SIPA1L3: variants seen among roughly 807,000 people sequenced by gnomAD.
The protein encoded by SIPA1L3 is signal-induced proliferation-associated 1-like protein 3.
In SIPA1L3, 59 loss-of-function variants were observed where a neutral mutation model predicts 150.1. The ratio of observed to expected loss-of-function variants is 0.39; its 90% CI spans 0.32 to 0.49. The LOEUF is 0.49. Among genes scored for constraint, SIPA1L3 ranks in the 20% least tolerant of loss-of-function variants. The pLI, the probability that SIPA1L3 is intolerant of heterozygous loss-of-function variation, is 0.86. For missense variants in SIPA1L3, 2,211 were observed against 2,489.5 expected (o/e 0.89, Z 2.38); for synonymous variants, 1,070 against 1,077.6 (o/e 0.99, Z 0.14).
At chr19:38,032,658 G>A (rs559322089) in intron 2 of SIPA1L3, among the ~76,000 whole-genome samples, 1 of 152,132 alleles carries the variant, frequency 6.6e-6, no homozygotes, top group Non-Finnish European at 1.5e-5. Context: ...TGGCCAACAT[G>A]GTGGCCGTCT....
chr19:37,956,062 G>T (rs989000799), intron 1 of SIPA1L3, among the ~76,000 whole-genome samples: 2 of 152,158 alleles, frequency 1.3e-5, no homozygotes, highest in Non-Finnish European at 2.9e-5. Flanking sequence ...TGATCATGGC[G>T]CACTACAGTA....
rs183463775 is a variant in SIPA1L3, at chr19:38,007,489, A to C, written c.-378-21600A>C. Among the ~76,000 whole-genome samples, 137 of 150,474 alleles carry C rather than the reference A, an allele frequency of 9.1e-4. 2 individuals carry two copies. The East Asian group carries it at 0.018, about 20-fold the overall frequency. ...AAAGAAAGAAAAGAAAAAAACAAAT[A>C]TTGTATTTGTAATTGCCCGGGGGAG... On this transcript the variant is annotated intron_variant, in intron 1 of 21. Transcript: ENST00000222345.
At position 38,047,284 on chromosome 19, in the gene SIPA1L3, G is replaced by C. The variant is rs1278181824; in HGVS notation, c.-311+18128G>C. On this transcript the variant is annotated intron_variant, in intron 2 of 21. Coordinates refer to ENST00000222345, the MANE Select transcript of SIPA1L3 (RefSeq NM_015073.3). This position sits in a 1 kb window ranked among gnomAD's most constrained non-coding sequence, Gnocchi z 4.7. Reference sequence around the variant, plus strand: ...CACACTCCTACACATTCCTCTCTCTGTCATATCACCTGGTTTATTTTCTTC... The same window carrying C: ...CACACTCCTACACATTCCTCTCTCTCTCATATCACCTGGTTTATTTTCTTC... Among the ~76,000 whole-genome samples, 1 of 152,038 alleles carries C rather than the reference G, an allele frequency of 6.6e-6. No homozygotes were observed. The highest frequency in any genetic ancestry group is 1.5e-5 in the Non-Finnish European group (1 of 68,024).
chr19:38,032,760 G>A (rs1442097314), intron 2 of SIPA1L3, among the ~76,000 whole-genome samples: 3 of 152,046 alleles, frequency 2.0e-5, no homozygotes, highest in African/African-American at 7.2e-5. Flanking sequence ...AGGCTGAGGT[G>A]GGAGGATCGC....
At chr19:38,144,417 C>T (rs1971662433) in intron 12 of SIPA1L3, among the ~76,000 whole-genome samples, 1 of 152,216 alleles carries the variant, frequency 6.6e-6, no homozygotes, top group South Asian at 2.1e-4. Context: ...GCCTTAAGAC[C>T]AGGGATCAGG....
intron 8 of SIPA1L3, among the ~76,000 whole-genome samples, chr19:38,116,538 AAAAG>A (rs4006809): frequency 6.6e-4 from 94 of 142,076 alleles, no homozygotes; most frequent in Non-Finnish European, 8.7e-4. Flanking sequence ...AAAAAAAAAA[AAAAG>A]AAAGAAAGAA....
chr19:37,948,460 C>T (rs924547681), intron 1 of SIPA1L3, among the ~76,000 whole-genome samples: 4 of 149,688 alleles, frequency 2.7e-5, no homozygotes, highest in South Asian at 2.1e-4. Flanking sequence ...GAGTGAGACC[C>T]GGTCTTAAAA....
At chr19:38,035,860 A>G (rs1397507107) in intron 2 of SIPA1L3, among the ~76,000 whole-genome samples, 1 of 152,150 alleles carries the variant, frequency 6.6e-6, no homozygotes. Flanking sequence ...ACAGCCTATA[A>G]GATAATAAGC....
At chr19:37,914,195 A>T (rs1379452322) in intron 1 of SIPA1L3, among the ~76,000 whole-genome samples, 1 of 152,112 alleles carries the variant, frequency 6.6e-6, no homozygotes, top group Non-Finnish European at 1.5e-5. Context: ...TTGAGGAGTC[A>T]TGTGAACTGA....
chr19:38,144,524 C>G (rs764284891), intron 12 of SIPA1L3, among the ~76,000 whole-genome samples: 1 of 152,246 alleles, frequency 6.6e-6, no homozygotes, highest in Admixed American at 6.5e-5. Context: ...CCCCAAATTT[C>G]TGACCTGGTA....
intron 12 of SIPA1L3, among the ~76,000 whole-genome samples, chr19:38,151,247 G>A (rs894202067): frequency 2.0e-5 from 3 of 152,224 alleles, no homozygotes; most frequent in Non-Finnish European, 4.4e-5. Flanking sequence ...GTCAGACGGT[G>A]CTGGGTAACA....
At chr19:37,939,609 G>A (rs557858549) in intron 1 of SIPA1L3, among the ~76,000 whole-genome samples, 1 of 152,232 alleles carries the variant, frequency 6.6e-6, no homozygotes, top group African/African-American at 2.4e-5. Flanking sequence ...GTATGAGACA[G>A]CTGCCCAAGC....
chr19:38,171,772 A>C (rs1451156206), intron 15 of SIPA1L3, among the ~76,000 whole-genome samples: 1 of 152,066 alleles, frequency 6.6e-6, no homozygotes, highest in Non-Finnish European at 1.5e-5. Context: ...TGAGAGGATC[A>C]CTTGAGCCTG....
At chr19:37,958,121 C>T (rs2046827081) in intron 1 of SIPA1L3, among the ~76,000 whole-genome samples, 1 of 152,144 alleles carries the variant, frequency 6.6e-6, no homozygotes, top group African/African-American at 2.4e-5. Flanking sequence ...TAATTTCAGT[C>T]TCACAAGAAG....
At chr19:37,982,502 G>A (rs541542049) in intron 1 of SIPA1L3, among the ~76,000 whole-genome samples, 3 of 152,178 alleles carry the variant, frequency 2.0e-5, no homozygotes, top group Admixed American at 6.5e-5. Flanking sequence ...TGTAATCCTC[G>A]CAGTAGCCCT....
chr19:38,058,990 A>G (rs1313933257), intron 2 of SIPA1L3, among the ~76,000 whole-genome samples: 1 of 147,758 alleles, frequency 6.8e-6, no homozygotes, highest in Admixed American at 7.0e-5. Flanking sequence ...CCGCCACTGC[A>G]CTCCAGCCTG....
intron 15 of SIPA1L3, among the ~76,000 whole-genome samples, chr19:38,177,406 C>T (rs957468710): frequency 2.6e-5 from 4 of 151,498 alleles, no homozygotes; most frequent in Non-Finnish European, 5.9e-5. Flanking sequence ...GGCGCAGTGA[C>T]TCATGCCTGT....
intron 1 of SIPA1L3, among the ~76,000 whole-genome samples, chr19:38,004,185 A>C (rs1389184260): frequency 6.6e-6 from 1 of 152,202 alleles, no homozygotes; most frequent in Non-Finnish European, 1.5e-5. Flanking sequence ...AATTATCCCC[A>C]TTCTAGAGCT....
intron 15 of SIPA1L3, among the ~76,000 whole-genome samples, chr19:38,179,998 A>G (rs1972522314): frequency 6.6e-6 from 1 of 152,042 alleles, no homozygotes; most frequent in South Asian, 2.1e-4. Flanking sequence ...GCCCGCCACC[A>G]CTCAGTTAAT....
Sources: gnomAD v4.1 joint callset for allele counts (sites outside exome capture counted in the v4.1 genomes callset) on GRCh38, gnomAD v4.1.1 for gene constraint, Gnocchi (gnomAD v3.1) non-coding constraint, MANE v1.5 for transcripts, NCBI Gene and HGNC (gene_info 2026-07-23, HGNC 2026-07-21) for gene names.